LILRA4: variants seen among roughly 807,000 people sequenced by gnomAD.
LILRA4 encodes leukocyte immunoglobulin-like receptor subfamily A member 4.
In LILRA4, 51 loss-of-function variants were observed where a neutral mutation model predicts 49.5. The observed-to-expected ratio is 1.03, with a 90% CI of 0.82 to 1.30. The LOEUF is 1.30. Among genes scored for constraint, LILRA4 ranks in the 50% most tolerant of loss-of-function variants. LILRA4 has a pLI of 0.00. For missense variants in LILRA4, 624 were observed against 625.6 expected, an observed-to-expected ratio of 1.00 and a Z score of 0.03; for synonymous variants, 272 against 265.6, an observed-to-expected ratio of 1.02 and a Z score of -0.23.
chr19:54,337,728 G>A (rs560042853), intron 4 of LILRA4, 32 bp from the exon 5 acceptor site: 8 of 1,598,120 alleles, frequency 5.0e-6, no homozygotes, highest in South Asian at 3.4e-5. Flanking sequence ...GACTCGGAGC[G>A]GCTGGTTCCT....
At position 54,333,521 on chromosome 19, in the gene LILRA4, G is replaced by T. The variant is rs778521805; in HGVS notation, c.*51C>A. 1 of 1,567,630 alleles carries T rather than the reference G, an allele frequency of 6.4e-7. No homozygotes were observed. The highest frequency in any genetic ancestry group is 1.1e-5 in the South Asian group (1 of 89,816). ...ATGCTTCTTCCCCTTGATATTCTCAGCAGACACTTCCCCAACTGCTGCCCC... is the reference window on the plus strand; with the variant it reads ...ATGCTTCTTCCCCTTGATATTCTCATCAGACACTTCCCCAACTGCTGCCCC... On this transcript the variant is annotated 3_prime_UTR_variant, in exon 8 of 8. Transcript: ENST00000291759.
chr19:54,338,102 G>C lies in LILRA4; in HGVS notation c.489C>G (p.Ser163=). The C allele has an allele frequency of 6.2e-7, 1 of 1,614,126 alleles. No individual in the cohort carries two copies. Among genetic ancestry groups the C allele is most frequent in the Non-Finnish European group, 8.5e-7 (1 of 1,179,996 alleles). The change falls in exon 4 of 8, where the codon TCC becomes TCG. Residue 163 remains serine, a synonymous_variant. Coordinates refer to ENST00000291759, the MANE Select transcript of LILRA4 (RefSeq NM_012276.5). ...TLIEEGDHRL[S]WTLNSHQHNH... ...TGTGTTGGTGTGAGTTCAGGGTCCA[G>C]GAGAGCCTGTGGTCTCCTTCCTCAA...
At position 54,338,493 on chromosome 19, in the gene LILRA4, TGG is replaced by T; in HGVS notation, c.256_257del (p.Pro86IlefsTer70). The T allele has an allele frequency of 6.2e-7, 1 of 1,614,078 alleles. No individual in the cohort carries two copies. Among genetic ancestry groups the T allele is most frequent in the South Asian group, 1.1e-5 (1 of 91,076 alleles). ...GCCCTGCATGTTCCCACATCATGGA[TGG>T]GATGGAGAGTTTGACCTTGTTTTCA... ...ESENKVKLSI[P>X]SMMWEHAGRY... is the part of the protein sequence containing the mutation. On this transcript the variant is annotated frameshift_variant, in exon 3 of 8. Coordinates refer to ENST00000291759, the MANE Select transcript of LILRA4 (RefSeq NM_012276.5). LOFTEE classifies it high-confidence loss of function.
In LILRA4 at chr19:54,333,711, C is replaced by A. The variant is rs1171777029; in HGVS notation, c.1361G>T (p.Gly454Val). Residue 454 changes from glycine (G) to valine (V), a missense_variant, in exon 8 of 8, where the codon GGC becomes GTC. Gly to Val is a moderately radical substitution (Grantham distance 109). Coordinates refer to ENST00000291759, the MANE Select transcript of LILRA4 (RefSeq NM_012276.5). Reference sequence around the variant, plus strand: ...AATCCCGAGGAACAGCAGGACCAAGCCAGCCACACCCATGCGGATGAGATT... The same window carrying A: ...AATCCCGAGGAACAGCAGGACCAAGACAGCCACACCCATGCGGATGAGATT... ...VENLIRMGVA[G>V]LVLLFLGILL... is the part of the protein sequence containing the mutation. 17 of 1,613,990 alleles carry A rather than the reference C, an allele frequency of 1.1e-5. No homozygotes were observed. Among genetic ancestry groups the A allele is most frequent in the Non-Finnish European group, 1.4e-5 (17 of 1,180,024 alleles).
chr19:54,333,984 G>A lies in LILRA4; in HGVS notation c.1256-19C>T. ...GTTGCTCCTAAGAATCAAAGAATAAGGATGTTGGTGAGAAGCTGAAGAGCC... is the reference window on the plus strand; with the variant it reads ...GTTGCTCCTAAGAATCAAAGAATAAAGATGTTGGTGAGAAGCTGAAGAGCC... On this transcript the variant is annotated intron_variant, in intron 6 of 7. Coordinates refer to ENST00000291759, the MANE Select transcript of LILRA4 (RefSeq NM_012276.5). 1 of 1,610,520 alleles carries A rather than the reference G, an allele frequency of 6.2e-7. No individual in the cohort carries two copies.
At chr19:54,334,989 A>T (rs1219496724) in intron 6 of LILRA4, 3 of 151,688 alleles carry the variant, frequency 2.0e-5, no homozygotes, top group African/African-American at 7.3e-5. Context: ...AAAATAAAAT[A>T]AAATAAAATA....
chr19:54,339,157 A>G lies in LILRA4; in HGVS notation c.-64T>C. On this transcript the variant is annotated 5_prime_UTR_variant, in exon 1 of 8. Coordinates refer to ENST00000291759, the MANE Select transcript of LILRA4 (RefSeq NM_012276.5). Reference sequence around the variant, plus strand: ...GTGGCCACGGTGCCCGTAGACACAGACAGACACATGGTGTGCGGGCACACG... The same window carrying G: ...GTGGCCACGGTGCCCGTAGACACAGGCAGACACATGGTGTGCGGGCACACG... The G allele has an allele frequency of 6.3e-7, 1 of 1,582,936 alleles. No individual in the cohort carries two copies. Among genetic ancestry groups the G allele is most frequent in the Non-Finnish European group, 8.7e-7 (1 of 1,151,664 alleles).
intron 3 of LILRA4, 73 bp from the exon 4 acceptor site, chr19:54,338,308 T>A (rs2081355096): frequency 6.3e-7 from 1 of 1,595,330 alleles, no homozygotes. Flanking sequence ...AAGGCTGGGC[T>A]GTGAGAAGGG....
In LILRA4 at chr19:54,334,249, G is replaced by A. The variant is rs548642628; in HGVS notation, c.1256-284C>T. On this transcript the variant is annotated intron_variant, in intron 6 of 7. Coordinates refer to ENST00000291759, the MANE Select transcript of LILRA4 (RefSeq NM_012276.5). ...TGATCCCCCAACTAGAAAGAATTGA[G>A]CTCTTGTGTGCTGTCTTGGATGTGC... is the stretch of plus-strand genomic sequence containing the variant. The A allele has an allele frequency of 1.6e-5, 7 of 439,682 alleles. No homozygotes were observed. In the East Asian group the frequency reaches 2.7e-4, roughly 17 times the overall value. 27.2% of individuals were successfully genotyped at this position (439,682 alleles called of 1,614,324 possible). A position where few individuals can be genotyped will look rare whatever the true frequency, so the allele number is the denominator to read the frequency against.
intron 6 of LILRA4, chr19:54,335,510 T>TTTGC (rs1296562232): frequency 6.5e-6 from 1 of 153,544 alleles, no homozygotes; most frequent in Non-Finnish European, 1.4e-5. Context: ...TGTTTGTTTG[T>TTTGC]TTGTTTTTGA....
chr19:54,338,496 G>C lies in LILRA4; in HGVS notation c.255C>G (p.Ile85Met), dbSNP rs994803708. The change falls in exon 3 of 8, where the codon ATC (isoleucine) becomes ATG (methionine). Residue 85 changes from isoleucine to methionine, a missense_variant. Coordinates refer to ENST00000291759, the MANE Select transcript of LILRA4 (RefSeq NM_012276.5). ...CTGCATGTTCCCACATCATGGATGG[G>C]ATGGAGAGTTTGACCTTGTTTTCAG... is the stretch of plus-strand genomic sequence containing the variant. Reference protein sequence around the residue: ...LESENKVKLSIPSMMWEHAGR... With the variant: ...LESENKVKLSMPSMMWEHAGR... The C allele has an allele frequency of 6.8e-6, 11 of 1,614,164 alleles. No individual in the cohort carries two copies. Among genetic ancestry groups the C allele is most frequent in the Non-Finnish European group, 9.3e-6 (11 of 1,180,004 alleles).
In LILRA4 at chr19:54,338,697, G is replaced by T. The variant is rs2081359514; in HGVS notation, c.71-17C>A. 1.0e-5 allele frequency: 16 copies of T among 1,601,068 alleles called. No individual in the cohort carries two copies. The East Asian group carries it at 3.6e-4, about 36-fold the overall frequency. On this transcript the variant is annotated splice_polypyrimidine_tract_variant and intron_variant, in intron 2 of 7. Transcript: ENST00000291759. ...GTAGGTTTTCTGGAAGGAAATTACAGGTTAGGTCCCAAGATGTCCTCAACC... is the reference window on the plus strand; with the variant it reads ...GTAGGTTTTCTGGAAGGAAATTACATGTTAGGTCCCAAGATGTCCTCAACC...
intron 6 of LILRA4, chr19:54,334,810 C>CA (rs56226854): frequency 0.027 from 3,739 of 138,228 alleles, 168 homozygotes; most frequent in African/African-American, 0.085. Flanking sequence ...ACTAAAAATA[C>CA]AAAAAAAAAA....
intron 5 of LILRA4, 71 bp downstream of exon 5, chr19:54,337,329 C>G: frequency 6.3e-7 from 1 of 1,583,484 alleles, no homozygotes; most frequent in Non-Finnish European, 8.6e-7. Context: ...CCGGCCATCA[C>G]CACCTGGGCT....
Position 54,337,937 on chromosome 19 carries a change from T to C in LILRA4, c.654A>G (p.Ser218=). The C allele has an allele frequency of 6.2e-7, 1 of 1,608,148 alleles. No individual in the cohort carries two copies. The change falls in exon 4 of 8, where the codon TCA becomes TCG. Residue 218 remains serine, a splice_region_variant and synonymous_variant. Coordinates refer to ENST00000291759, the MANE Select transcript of LILRA4 (RefSeq NM_012276.5). The part of the protein sequence containing the change: ...EPSDPLQLLV[S]GVSRKPSLLT... The stretch of plus-strand genomic sequence containing the variant: ...AAGGAAAAGCTACGGCTTCCTCACC[T>C]GACACCAGTAGCTGCAGGGGGTCAC...
Position 54,337,897 on chromosome 19 carries a change from G to A in LILRA4, c.655+39C>T, listed in dbSNP as rs555188223. 3.2e-5 allele frequency: 51 copies of A among 1,573,506 alleles called. No individual in the cohort carries two copies. The South Asian group carries it at 5.2e-4, about 16-fold the overall frequency. On this transcript the variant is annotated intron_variant, in intron 4 of 7. Coordinates refer to ENST00000291759, the MANE Select transcript of LILRA4 (RefSeq NM_012276.5). ...TAAGGCTCCCAACAGCTCACCTGGT[G>A]CCCTGACTTTGTATAAGGAAAAGCT... is the stretch of plus-strand genomic sequence containing the variant.
chr19:54,336,774 G>A, intron 6 of LILRA4, 67 bp downstream of exon 6: 1 of 1,566,934 alleles, frequency 6.4e-7, no homozygotes. Context: ...ACACTCTCTT[G>A]GAAGCTCTCC....
rs747682962 is a variant in LILRA4 at position 54,337,602 on chromosome 19, G to A, written c.750C>T (p.Tyr250=). The A allele has an allele frequency of 5.6e-6, 9 of 1,613,752 alleles. No individual in the cohort carries two copies. The South Asian group carries it at 8.8e-5, about 16-fold the overall frequency. The change falls in exon 5 of 8, where the codon TAC becomes TAT. Residue 250 remains tyrosine (Y), a synonymous_variant. Coordinates refer to ENST00000291759, the MANE Select transcript of LILRA4 (RefSeq NM_012276.5). ...CCTCCTTGTACAGAGTGTATCTGATGTAGCCGACATCAGAGCCACACTGGA... is the reference window on the plus strand; with the variant it reads ...CCTCCTTGTACAGAGTGTATCTGATATAGCCGACATCAGAGCCACACTGGA... ...LTLQCGSDVG[Y]IRYTLYKEGA...
chr19:54,338,153 C>T lies in LILRA4; in HGVS notation c.438G>A (p.Arg146=), dbSNP rs1458078382. 1.2e-6 allele frequency: 2 copies of T among 1,614,046 alleles called. No homozygotes were observed. The highest frequency in any genetic ancestry group is 1.6e-4 in the Middle Eastern group (1 of 6,062). Residue 146 remains arginine (R), a synonymous_variant, in exon 4 of 8, where the codon CGG becomes CGA. Coordinates refer to ENST00000291759, the MANE Select transcript of LILRA4 (RefSeq NM_012276.5). The part of the protein sequence containing the change: ...GVNVTLRCAS[R]LGLGRFTLIE... The stretch of plus-strand genomic sequence containing the variant: ...TCAGAGTGAACCTGCCCAGTCCCAG[C>T]CGTGAGGCACACCGGAGGGTCACGT...
Sources: allele counts gnomAD v4.1 joint callset, GRCh38; gene constraint gnomAD v4.1.1; transcripts MANE v1.5; gene names NCBI Gene and HGNC (gene_info 2026-07-23, HGNC 2026-07-21).